The following RFC3 variants were observed in gnomAD, a reference collection of about 807,000 sequenced individuals.
RFC3 encodes the protein replication factor C subunit 3, also known as A1 38 kDa subunit.
In RFC3, 41 loss-of-function variants were observed where a neutral mutation model predicts 45.1. The ratio of observed to expected loss-of-function variants is 0.91; its 90% CI spans 0.71 to 1.18. RFC3 has a LOEUF of 1.18. RFC3 is among the 50% of genes most tolerant of loss of function. The probability of loss-of-function intolerance (pLI) is 0.00; values close to 1 mark genes in which losing one functional copy is unlikely to be tolerated. For missense variants in RFC3, 423 were observed against 428.1 expected (o/e 0.99, Z 0.10); for synonymous variants, 149 against 144.0 (o/e 1.03, Z -0.25).
chr13:33,836,032 T>A, intron 8 of RFC3, 72 bp from the exon 9 acceptor site: 1 of 1,431,072 alleles, frequency 7.0e-7, no homozygotes, highest in South Asian at 1.3e-5. Flanking sequence ...AGTCTTTTTG[T>A]GAATGGGAGA....
chr13:33,951,039 CTTTTTTTTTTTTT>C (rs926664684), intron 8 of RFC3, among the ~76,000 whole-genome samples: 3 of 60,804 alleles, frequency 4.9e-5, no homozygotes, highest in African/African-American at 6.5e-5. Context: ...TCTGATGGCT[CTTTTTTTTTTTTT>C]TTTTTTTTTT....
intron 8 of RFC3, among the ~76,000 whole-genome samples, chr13:33,956,719 A>G (rs78630352): frequency 0.019 from 2,843 of 152,334 alleles, 38 homozygotes; most frequent in Admixed American, 0.029. Context: ...CTAGATGTCT[A>G]GTGAGGCTGT....
At chr13:33,922,513 A>C (rs925536845) in intron 8 of RFC3, among the ~76,000 whole-genome samples, 3 of 152,160 alleles carry the variant, frequency 2.0e-5, no homozygotes, top group Admixed American at 6.5e-5. Flanking sequence ...AACTTTAGAT[A>C]ATTTACTTGT....
chr13:33,933,271 G>A (rs184382203), intron 8 of RFC3, among the ~76,000 whole-genome samples: 36 of 152,226 alleles, frequency 2.4e-4, no homozygotes, highest in Non-Finnish European at 4.1e-4. Flanking sequence ...AACACATAGA[G>A]ATCTGGGTGA....
intron 8 of RFC3, among the ~76,000 whole-genome samples, chr13:33,880,923 G>T (rs1475051656): frequency 6.6e-6 from 1 of 152,130 alleles, no homozygotes; most frequent in Non-Finnish European, 1.5e-5. Flanking sequence ...GGACGTGGTG[G>T]TGGGCGCCTG....
intron 8 of RFC3, among the ~76,000 whole-genome samples, chr13:33,931,721 T>C (rs1386025114): frequency 1.3e-5 from 2 of 152,102 alleles, no homozygotes. Flanking sequence ...ATATCTGATG[T>C]TACTTTTAAA....
downstream of RFC3, among the ~76,000 whole-genome samples, chr13:33,969,314 G>T (rs927127266): frequency 6.6e-6 from 1 of 152,204 alleles, no homozygotes; most frequent in Non-Finnish European, 1.5e-5. Flanking sequence ...ACCCTTTGAA[G>T]GTGAACCTTG....
chr13:33,859,859 C>T (rs554946678), intron 8 of RFC3, among the ~76,000 whole-genome samples: 1 of 152,240 alleles, frequency 6.6e-6, no homozygotes, highest in South Asian at 2.1e-4. Flanking sequence ...TTGTCCCCAT[C>T]ACCCCCAAAT....
chr13:33,915,806 A>G (rs923376999), intron 8 of RFC3, among the ~76,000 whole-genome samples: 9 of 151,910 alleles, frequency 5.9e-5, no homozygotes, highest in African/African-American at 1.9e-4. Flanking sequence ...TTCTATATAT[A>G]TATATATTTT....
intron 8 of RFC3, among the ~76,000 whole-genome samples, chr13:33,928,973 CAA>C (rs1269303022): frequency 6.6e-6 from 1 of 151,994 alleles, no homozygotes; most frequent in East Asian, 1.9e-4. Context: ...AGTATTATGC[CAA>C]AAAGTTTCAA....
At chr13:33,931,647 G>T (rs2082853203) in intron 8 of RFC3, among the ~76,000 whole-genome samples, 1 of 151,862 alleles carries the variant, frequency 6.6e-6, no homozygotes, top group Admixed American at 6.6e-5. Flanking sequence ...TAGAAGTTGT[G>T]TATAAGGTAC....
At chr13:33,962,842 A>G (rs2083065627) in intron 8 of RFC3, among the ~76,000 whole-genome samples, 1 of 152,130 alleles carries the variant, frequency 6.6e-6, no homozygotes, top group Non-Finnish European at 1.5e-5. Context: ...TGGCACTTTT[A>G]CTGTTTTTTA....
At chr13:33,853,662 A>G (rs1308110362) in intron 8 of RFC3, among the ~76,000 whole-genome samples, 2 of 152,192 alleles carry the variant, frequency 1.3e-5, no homozygotes, top group Non-Finnish European at 2.9e-5. Context: ...AGACCAACAT[A>G]CAAGGGGCAG....
At chr13:33,960,654 T>G (rs1056637959) in intron 8 of RFC3, among the ~76,000 whole-genome samples, 3 of 122,596 alleles carry the variant, frequency 2.4e-5, no homozygotes, top group Admixed American at 1.9e-4. Context: ...CACTGGAAAA[T>G]CAGTACACAG....
At chr13:33,908,088 T>C (rs1258786899) in intron 8 of RFC3, among the ~76,000 whole-genome samples, 2 of 151,578 alleles carry the variant, frequency 1.3e-5, no homozygotes, top group Non-Finnish European at 2.9e-5. Flanking sequence ...TGAGAAAGGG[T>C]ATTAAAGTAT....
At chr13:33,818,400 AGGGG>A (rs2139365829) in intron 1 of RFC3, 135 bp downstream of exon 1, 1 of 648,122 alleles carries the variant, frequency 1.5e-6, no homozygotes, top group East Asian at 2.8e-5. Flanking sequence ...AACACAGGGA[AGGGG>A]GAAGAGGTGT....
intron 8 of RFC3, among the ~76,000 whole-genome samples, chr13:33,868,444 C>A (rs1451838724): frequency 6.6e-6 from 1 of 152,072 alleles, no homozygotes; most frequent in South Asian, 2.1e-4. Flanking sequence ...TAACTTTGCA[C>A]CGCCTCACAG....
At position 33,823,925 on chromosome 13, in the gene RFC3, T is replaced by C; in HGVS notation, c.234T>C (p.Ser78=). Residue 78 remains serine, a synonymous_variant, in exon 3 of 9, where the codon TCT becomes TCC. Coordinates refer to ENST00000380071, the MANE Select transcript of RFC3 (RefSeq NM_002915.4). ...TTTTTCTTTGTCCACAGACTCCATCTAAAAAAAAAATTGAAATTAGCACCA... is the reference window on the plus strand; with the variant it reads ...TTTTTCTTTGTCCACAGACTCCATCCAAAAAAAAAATTGAAATTAGCACCA... ...RIEHQTITTP[S]KKKIEISTIA... 7.2e-7 allele frequency: 1 copy of C among 1,385,258 alleles called. No homozygotes were observed. The highest frequency in any genetic ancestry group is 9.9e-7 in the Non-Finnish European group (1 of 1,007,052). The allele number at this position is 1,385,258 out of a possible 1,614,324, so 85.8% of individuals were successfully genotyped here. A position where few individuals can be genotyped will look rare whatever the true frequency, so the allele number is the denominator to read the frequency against.
chr13:33,917,406 T>G (rs1289200339), intron 8 of RFC3, among the ~76,000 whole-genome samples: 3 of 152,182 alleles, frequency 2.0e-5, no homozygotes, highest in African/African-American at 7.2e-5. Context: ...AGCAGCATCC[T>G]TTTAATATTG....
Sources: gnomAD v4.1 joint callset for allele counts (sites outside exome capture counted in the v4.1 genomes callset) on GRCh38, gnomAD v4.1.1 for gene constraint, MANE v1.5 for transcripts, NCBI Gene and HGNC (gene_info 2026-07-23, HGNC 2026-07-21) for gene names.